The following SLC12A8 variants were observed in gnomAD, a reference collection of about 807,000 sequenced individuals.
SLC12A8 encodes cation-chloride cotransporter 9.
Under a neutral mutation model 75.6 loss-of-function variants are expected in SLC12A8, and 69 were observed. The ratio of observed to expected loss-of-function variants is 0.91; its 90% confidence interval spans 0.75 to 1.11. The LOEUF is 1.11. Among genes scored for constraint, SLC12A8 ranks in the 50% most tolerant of loss-of-function variants. SLC12A8 has a pLI of 0.00. For missense variants in SLC12A8, 877 were observed against 896.7 expected, an observed-to-expected ratio of 0.98 and a Z score of 0.28; for synonymous variants, 365 against 372.8, an observed-to-expected ratio of 0.98 and a Z score of 0.24.
chr3:125,164,180 T>C (rs1030633222), intron 5 of SLC12A8, among the ~76,000 whole-genome samples: 1 of 151,720 alleles, frequency 6.6e-6, no homozygotes. Flanking sequence ...CAGTAAGGAG[T>C]TCACCAACTT....
At chr3:125,157,753 T>C (rs1361164360) in intron 5 of SLC12A8, among the ~76,000 whole-genome samples, 1 of 152,186 alleles carries the variant, frequency 6.6e-6, no homozygotes, top group Non-Finnish European at 1.5e-5. Context: ...ACCCTCTCCT[T>C]GAAGACATCT....
chr3:125,110,473 C>A, intron 8 of SLC12A8, 138 bp from the exon 9 acceptor site: 4 of 731,778 alleles, frequency 5.5e-6, no homozygotes, highest in Non-Finnish European at 8.6e-6. Flanking sequence ...ACAGTTTCCA[C>A]ATCCCCAGCC....
At chr3:125,196,620 C>T (rs1935012905) in intron 2 of SLC12A8, among the ~76,000 whole-genome samples, 1 of 152,132 alleles carries the variant, frequency 6.6e-6, no homozygotes, top group Non-Finnish European at 1.5e-5. Context: ...TACATTCTTT[C>T]CCTCTGCCCA....
Position 125,196,268 on chromosome 3 carries a change from G to A in SLC12A8, c.52-5747C>T, listed in dbSNP as rs375639678. On this transcript the variant is annotated intron_variant, in intron 2 of 13. Coordinates refer to ENST00000469902, the MANE Select transcript of SLC12A8 (RefSeq NM_024628.6). Reference sequence around the variant, plus strand: ...TGAATGACGTAACCATACTTAAAGCGGAAAAAGAACTAACCAGAGTAACTT... The same window carrying A: ...TGAATGACGTAACCATACTTAAAGCAGAAAAAGAACTAACCAGAGTAACTT... 3.0e-4 allele frequency among the ~76,000 whole-genome samples: 45 copies of A among 152,252 alleles called. 1 individual carries two copies. The highest frequency in any genetic ancestry group is 2.5e-3 in the South Asian group (12 of 4,824).
chr3:125,133,684 C>T (rs892649938), intron 6 of SLC12A8, among the ~76,000 whole-genome samples: 1 of 152,164 alleles, frequency 6.6e-6, no homozygotes, highest in Non-Finnish European at 1.5e-5. Flanking sequence ...CCTCAGCCTC[C>T]CAAAGTTCTG....
chr3:125,107,668 G>A lies in SLC12A8; in HGVS notation c.1518C>T (p.Leu506=). The A allele has an allele frequency of 1.2e-6, 2 of 1,614,188 alleles. No homozygotes were observed. The highest frequency in any genetic ancestry group is 1.7e-5 in the Admixed American group (1 of 60,028). ...ATKQTLQDSF[L]LDLKSPPSFP... ...AAGAAGGAGGGGATTTGAGGTCCAA[G>A]AGGAAGCTATCTTGTAGGGTCTGCT... The change falls in exon 10 of 14, where the codon CTC becomes CTT. Residue 506 remains leucine (L), a synonymous_variant. Coordinates refer to ENST00000469902, the MANE Select transcript of SLC12A8 (RefSeq NM_024628.6).
At chr3:125,084,714 T>C (rs2948816) in intron 13 of SLC12A8, among the ~76,000 whole-genome samples, 92,927 of 152,104 alleles carry the variant, frequency 0.61, 29,469 homozygotes, top group African/African-American at 0.78. Context: ...AGGCTGGCTG[T>C]CCAGGCAGCT....
chr3:125,161,305 A>G (rs1364589485), intron 5 of SLC12A8, among the ~76,000 whole-genome samples: 1 of 152,258 alleles, frequency 6.6e-6, no homozygotes, highest in Non-Finnish European at 1.5e-5. Flanking sequence ...AAGCCTGATG[A>G]GAAACAACTG....
intron 3 of SLC12A8, 83 bp from the exon 4 acceptor site, chr3:125,187,511 C>T (rs1934818572): frequency 1.6e-6 from 2 of 1,284,842 alleles, no homozygotes; most frequent in Non-Finnish European, 2.2e-6. Flanking sequence ...ACCACCTCCC[C>T]TCCTCCCACA....
intron 2 of SLC12A8, among the ~76,000 whole-genome samples, chr3:125,208,907 A>G (rs1476287919): frequency 6.6e-6 from 1 of 151,122 alleles, no homozygotes; most frequent in Non-Finnish European, 1.5e-5. Flanking sequence ...AAGTGTCCCC[A>G]CCCTTGCCAA....
rs745976435 is a variant in SLC12A8, at chr3:125,110,289, G to A, written c.959C>T (p.Ser320Phe). The A allele has an allele frequency of 9.9e-6, 16 of 1,613,892 alleles. No homozygotes were observed. The highest frequency in any genetic ancestry group is 1.4e-5 in the Non-Finnish European group (16 of 1,179,924). Residue 320 changes from serine (S) to phenylalanine (F), a missense_variant, in exon 9 of 14, where the codon TCC (serine) becomes TTC (phenylalanine). Transcript: ENST00000469902. ...FLFLLGLYIS[S>F]LASCMGGLYG... ...AAGTCCTCCCATGCAGGAAGCCAGG[G>A]ACGAGATGTATAAGCCCAAAAGGAA...
At chr3:125,175,346 A>G (rs1006289140) in intron 5 of SLC12A8, among the ~76,000 whole-genome samples, 3 of 152,208 alleles carry the variant, frequency 2.0e-5, no homozygotes, top group African/African-American at 7.2e-5. Flanking sequence ...ATTTTTAACC[A>G]CAAAGAAAAT....
At chr3:125,142,169 G>A (rs1365279198) in intron 5 of SLC12A8, among the ~76,000 whole-genome samples, 1 of 152,186 alleles carries the variant, frequency 6.6e-6, no homozygotes, top group Admixed American at 6.5e-5. Context: ...GACCCAGGGG[G>A]TCCGCGGAAA....
intron 2 of SLC12A8, among the ~76,000 whole-genome samples, chr3:125,204,473 C>T (rs1160772859): frequency 6.6e-6 from 1 of 152,074 alleles, no homozygotes; most frequent in Non-Finnish European, 1.5e-5. Context: ...TGAAATTAAC[C>T]AGGAACAGAA....
At position 125,126,928 on chromosome 3, in the gene SLC12A8, T is replaced by C. The variant is rs1223155693; in HGVS notation, c.737-6242A>G. On this transcript the variant is annotated intron_variant, in intron 6 of 13. Coordinates refer to ENST00000469902, the MANE Select transcript of SLC12A8 (RefSeq NM_024628.6). The stretch of plus-strand genomic sequence containing the variant: ...ACTGAAAAAAGGGATCTATTACTGT[T>C]TGGTGGCAATGTGGCTCTGAGCCCT... Among the ~76,000 whole-genome samples the C allele has an allele frequency of 2.0e-5, 3 of 152,202 alleles. No homozygotes were observed. The East Asian group carries it at 5.8e-4, about 29-fold the overall frequency.
At chr3:125,135,631 C>G (rs1284492965) in intron 6 of SLC12A8, 38 bp downstream of exon 6, 1 of 1,376,334 alleles carries the variant, frequency 7.3e-7, no homozygotes, top group Non-Finnish European at 1.0e-6. Flanking sequence ...AATGTATACC[C>G]CTAATTTGAG....
chr3:125,133,486 T>C (rs816150), intron 6 of SLC12A8, among the ~76,000 whole-genome samples: 150,179 of 152,162 alleles, frequency 0.99, 74,140 homozygotes, highest in East Asian at 1. Context: ...AGTCCTCCTG[T>C]CACCCACCTC....
chr3:125,127,431 C>A (rs1933235000), intron 6 of SLC12A8, among the ~76,000 whole-genome samples: 1 of 152,222 alleles, frequency 6.6e-6, no homozygotes, highest in African/African-American at 2.4e-5. Flanking sequence ...ACGGGGTTTA[C>A]CGCTTACTGG....
At chr3:125,102,011 A>G (rs1461176388) in intron 10 of SLC12A8, among the ~76,000 whole-genome samples, 1 of 152,242 alleles carries the variant, frequency 6.6e-6, no homozygotes, top group Non-Finnish European at 1.5e-5. Context: ...TTTAATATTT[A>G]TTTCCTTAAG....
Sources: gnomAD v4.1 joint callset for allele counts (sites outside exome capture counted in the v4.1 genomes callset) on GRCh38, gnomAD v4.1.1 for gene constraint, MANE v1.5 for transcripts, NCBI Gene and HGNC (gene_info 2026-07-23, HGNC 2026-07-21) for gene names.